Variants in KHDRBS2 observed in about 807,000 individuals in gnomAD.
KHDRBS2 encodes the protein KH RNA binding domain containing, signal transduction associated 2, also known as KH domain-containing, RNA-binding, signal transduction-associated protein 2.
A neutral mutation model predicts 44.3 loss-of-function variants in KHDRBS2; 26 were observed. That is an observed-to-expected ratio of 0.59 (90% CI 0.43 to 0.81). The LOEUF is 0.81. KHDRBS2 is among the 40% of genes least tolerant of loss of function. The pLI, the probability that KHDRBS2 is intolerant of heterozygous loss-of-function variation, is 0.00. For missense variants in KHDRBS2, 476 were observed against 433.1 expected (o/e 1.10, Z -0.88); for synonymous variants, 194 against 151.1 (o/e 1.28, Z -2.08).
rs551260316 is a variant in KHDRBS2 at position 61,916,449 on chromosome 6, A to G, written c.484-15078T>C. On this transcript the variant is annotated intron_variant, in intron 4 of 8. Transcript: ENST00000281156. ...CATATATATATATGTCACTATTAGAAAAATTGTCAAGTTCTGCCTCAGTAT... is the reference window on the plus strand; with the variant it reads ...CATATATATATATGTCACTATTAGAGAAATTGTCAAGTTCTGCCTCAGTAT... 1.6e-3 allele frequency among the ~76,000 whole-genome samples: 238 copies of G among 152,108 alleles called. 7 individuals carry two copies. In the South Asian group the frequency reaches 0.045, roughly 29 times the overall value.
At chr6:61,918,847 T>C (rs1379983969) in intron 4 of KHDRBS2, among the ~76,000 whole-genome samples, 2 of 152,006 alleles carry the variant, frequency 1.3e-5, no homozygotes, top group Non-Finnish European at 2.9e-5. Context: ...GTGTGCATTT[T>C]AGCTGTCTAA....
At chr6:62,256,556 TGA>T (rs1327688632) in intron 1 of KHDRBS2, among the ~76,000 whole-genome samples, 9 of 152,060 alleles carry the variant, frequency 5.9e-5, no homozygotes, top group Non-Finnish European at 8.8e-5. Context: ...ACCATGATTG[TGA>T]GACTTCCCCA....
intron 2 of KHDRBS2, among the ~76,000 whole-genome samples, chr6:62,169,188 C>A (rs1464404270): frequency 7.1e-6 from 1 of 141,448 alleles, no homozygotes. Context: ...TGTATATATA[C>A]GTATACATAT....
chr6:61,971,906 T>A (rs1300168240), intron 4 of KHDRBS2, among the ~76,000 whole-genome samples: 2 of 152,200 alleles, frequency 1.3e-5, no homozygotes, highest in African/African-American at 4.8e-5. Flanking sequence ...TTCTGGTTCT[T>A]AAATTCTACT....
At chr6:61,706,276 A>G (rs1006432941) in intron 7 of KHDRBS2, among the ~76,000 whole-genome samples, 5 of 151,854 alleles carry the variant, frequency 3.3e-5, no homozygotes, top group Non-Finnish European at 7.4e-5. Flanking sequence ...GGAACAAGCT[A>G]CATAATTTCC....
intron 4 of KHDRBS2, among the ~76,000 whole-genome samples, chr6:61,977,557 T>C (rs978016525): frequency 4.6e-5 from 7 of 152,112 alleles, no homozygotes; most frequent in Non-Finnish European, 8.8e-5. Context: ...ATATTGATGA[T>C]TTTATATTAT....
At chr6:61,941,970 A>G (rs1812226966) in intron 4 of KHDRBS2, among the ~76,000 whole-genome samples, 1 of 151,954 alleles carries the variant, frequency 6.6e-6, no homozygotes, top group Admixed American at 6.6e-5. Context: ...TTATTATTGT[A>G]TTATTATTAT....
At chr6:62,276,068 T>C (rs568534568) in intron 1 of KHDRBS2, among the ~76,000 whole-genome samples, 45 of 152,318 alleles carry the variant, frequency 3.0e-4, no homozygotes, top group Non-Finnish European at 4.6e-4. Flanking sequence ...CTCATCATTA[T>C]CTAGCATACA....
chr6:61,637,083 G>A, the KHDRBS2 span, among the ~76,000 whole-genome samples: 1 of 151,914 alleles, frequency 6.6e-6, no homozygotes, highest in African/African-American at 2.4e-5. Context: ...TGCACAATGT[G>A]CAGGTTTGTT....
chr6:61,990,520 C>T (rs1309898349), intron 3 of KHDRBS2, among the ~76,000 whole-genome samples: 1 of 152,010 alleles, frequency 6.6e-6, no homozygotes, highest in South Asian at 2.1e-4. Flanking sequence ...CAAACAAGAG[C>T]TCATACAAGC....
intron 7 of KHDRBS2, among the ~76,000 whole-genome samples, chr6:61,718,385 T>A (rs758377062): frequency 4.6e-4 from 70 of 152,270 alleles, no homozygotes; most frequent in Non-Finnish European, 8.4e-4. Flanking sequence ...CAATTTCATA[T>A]CATTATTTAT....
At chr6:62,132,434 C>G (rs1396990316) in intron 2 of KHDRBS2, among the ~76,000 whole-genome samples, 1 of 152,202 alleles carries the variant, frequency 6.6e-6, no homozygotes, top group Non-Finnish European at 1.5e-5. Flanking sequence ...CCCAGCCCCA[C>G]TGAATCAGAA....
At chr6:61,838,214 T>G (rs1342515032) in intron 6 of KHDRBS2, among the ~76,000 whole-genome samples, 1 of 152,044 alleles carries the variant, frequency 6.6e-6, no homozygotes, top group Non-Finnish European at 1.5e-5. Context: ...AATTTGGGAA[T>G]GCAAGTCCAT....
intron 6 of KHDRBS2, among the ~76,000 whole-genome samples, chr6:61,778,605 C>T (rs926309180): frequency 6.6e-6 from 1 of 152,070 alleles, no homozygotes; most frequent in African/African-American, 2.4e-5. Flanking sequence ...CCATAATGGA[C>T]AGTTTTCTAA....
chr6:61,564,847 C>CA, the KHDRBS2 span, among the ~76,000 whole-genome samples: 1 of 151,900 alleles, frequency 6.6e-6, no homozygotes, highest in South Asian at 2.1e-4. Context: ...CAATCCTCAG[C>CA]AAAAAGAACA....
chr6:61,900,879 G>A lies in KHDRBS2; in HGVS notation c.611+365C>T, dbSNP rs1393469723. ...TATCATGCGTGTGTTCTAATCCTGA[G>A]GATAGAACAGTAAAGTAGAAAATCT... On this transcript the variant is annotated intron_variant, in intron 5 of 8. Coordinates refer to ENST00000281156, the MANE Select transcript of KHDRBS2 (RefSeq NM_152688.4). 2.0e-5 allele frequency among the ~76,000 whole-genome samples: 3 copies of A among 152,134 alleles called. No individual in the cohort carries two copies. The East Asian group carries it at 5.8e-4, about 29-fold the overall frequency.
At chr6:61,685,375 A>C (rs1346724142) in intron 8 of KHDRBS2, among the ~76,000 whole-genome samples, 1 of 151,876 alleles carries the variant, frequency 6.6e-6, no homozygotes, top group African/African-American at 2.4e-5. Flanking sequence ...AGAGCAAATA[A>C]GAATATTTGT....
chr6:61,964,742 C>A (rs1769525002), intron 4 of KHDRBS2, among the ~76,000 whole-genome samples: 1 of 152,012 alleles, frequency 6.6e-6, no homozygotes, highest in Non-Finnish European at 1.5e-5. Flanking sequence ...GTGATTCTGA[C>A]ATTTGAGTTG....
At position 61,680,441 on chromosome 6, in the gene KHDRBS2, AT is replaced by A. The variant is rs1326717118; in HGVS notation, c.*521del. The stretch of plus-strand genomic sequence containing the variant: ...TTGTTTTCAACCCCATTAAAACAGC[AT>A]TAAAATTAAATTTACAAACTTAATA... On this transcript the variant is annotated 3_prime_UTR_variant, in exon 9 of 9. Transcript: ENST00000281156. 6.6e-6 allele frequency: 1 copy of A among 152,266 alleles called. No individual in the cohort carries two copies. The highest frequency in any genetic ancestry group is 1.5e-5 in the Non-Finnish European group (1 of 67,908). The allele number at this position is 152,266 out of a possible 1,614,324, so 9.4% of individuals were successfully genotyped here. A position where few individuals can be genotyped will look rare whatever the true frequency, so the allele number is the denominator to read the frequency against.
Sources: gnomAD v4.1 joint callset for allele counts (sites outside exome capture counted in the v4.1 genomes callset) on GRCh38, gnomAD v4.1.1 for gene constraint, MANE v1.5 for transcripts, NCBI Gene and HGNC (gene_info 2026-07-23, HGNC 2026-07-21) for gene names.